The following MYZAP variants were observed in gnomAD, a reference collection of about 807,000 sequenced individuals.
MYZAP encodes myocardial zonula adherens protein, also known as GRINL1A complex locus upstream.
MYZAP carries 66 observed loss-of-function variants against 69.4 expected under a neutral mutation model. The observed-to-expected ratio is 0.95, with a 90% CI of 0.78 to 1.17. The LOEUF is 1.17. Ranked by LOEUF, MYZAP falls within the 50% of genes most tolerant of loss-of-function variation. The probability of loss-of-function intolerance (pLI) is 0.00; values close to 1 mark genes in which losing one functional copy is unlikely to be tolerated. For synonymous variants in MYZAP, 256 were observed against 205.9 expected (o/e 1.24, Z -2.09); for missense variants, 611 against 556.2 (o/e 1.10, Z -0.99).
At chr15:57,669,002 CCT>C (rs1406803205) in intron 11 of MYZAP, among the ~76,000 whole-genome samples, 1 of 151,326 alleles carries the variant, frequency 6.6e-6, no homozygotes, top group Non-Finnish European at 1.5e-5. Context: ...TTATCTCCTA[CCT>C]CTCAGCCTCC....
chr15:57,619,981 G>T (rs1298378856), intron 3 of MYZAP, among the ~76,000 whole-genome samples: 1 of 152,124 alleles, frequency 6.6e-6, no homozygotes, highest in Non-Finnish European at 1.5e-5. Flanking sequence ...CCTGCCATAG[G>T]TGGCTTCAGT....
At chr15:57,659,846 A>T (rs1011719206) in intron 10 of MYZAP, among the ~76,000 whole-genome samples, 4 of 152,186 alleles carry the variant, frequency 2.6e-5, no homozygotes, top group Admixed American at 6.5e-5. Context: ...TATTACATAA[A>T]CCTATGTAAT....
chr15:57,635,765 G>C (rs2036782030), intron 8 of MYZAP, among the ~76,000 whole-genome samples: 3 of 152,240 alleles, frequency 2.0e-5, no homozygotes, highest in Non-Finnish European at 4.4e-5. Flanking sequence ...TCCTAGGCAG[G>C]GCTGTGGCAG....
intron 1 of MYZAP, chr15:57,599,510 A>G (rs1208471625): frequency 1.6e-6 from 2 of 1,216,802 alleles, no homozygotes; most frequent in Non-Finnish European, 2.1e-6. Context: ...CTGGTTCGGT[A>G]GCAGTGGTGT....
Position 57,592,044 on chromosome 15 carries a change from T to C in MYZAP, c.10T>C (p.Ser4Pro). Residue 4 changes from serine (S) to proline (P), a missense_variant, in exon 1 of 13, where the codon TCC (serine) becomes CCC (proline). Ser to Pro is a moderately conservative substitution (Grantham distance 74). Transcript: ENST00000267853. MLR[S>P]TSTVTLLSGG... is the part of the protein sequence containing the mutation. ...CGACCGCCGCTGCGGGATGCTGCGCTCCACGTCCACGGTCACCCTGCTCTC... is the reference window on the plus strand; with the variant it reads ...CGACCGCCGCTGCGGGATGCTGCGCCCCACGTCCACGGTCACCCTGCTCTC... 7.0e-7 allele frequency: 1 copy of C among 1,433,776 alleles called. No homozygotes were observed. The highest frequency in any genetic ancestry group is 1.4e-5 in the South Asian group (1 of 71,042). The allele number at this position is 1,433,776 out of a possible 1,614,324, so 88.8% of individuals were successfully genotyped here.
At chr15:57,649,542 A>G (rs1211806631) in intron 10 of MYZAP, among the ~76,000 whole-genome samples, 1 of 152,118 alleles carries the variant, frequency 6.6e-6, no homozygotes, top group Non-Finnish European at 1.5e-5. Flanking sequence ...TCATTTTTAT[A>G]TTAGATTGTT....
intron 12 of MYZAP, among the ~76,000 whole-genome samples, chr15:57,676,741 C>CT (rs2140642442): frequency 6.6e-6 from 1 of 152,182 alleles, no homozygotes; most frequent in East Asian, 1.9e-4. Flanking sequence ...TTAAAACAAG[C>CT]TTTTCAATTT....
chr15:57,629,088 C>CAAAAAAAAAAAA (rs1274144448), intron 5 of MYZAP, among the ~76,000 whole-genome samples: 9 of 115,080 alleles, frequency 7.8e-5, no homozygotes, highest in Non-Finnish European at 1.2e-4. Context: ...GTCTCAAAAA[C>CAAAAAAAAAAAA]AAAAAAAAAA....
chr15:57,629,198 A>G (rs757242379), intron 5 of MYZAP, among the ~76,000 whole-genome samples: 16 of 152,192 alleles, frequency 1.1e-4, no homozygotes, highest in Non-Finnish European at 2.2e-4. Context: ...ATACAGAAAA[A>G]ATAAATAAGA....
intron 10 of MYZAP, among the ~76,000 whole-genome samples, chr15:57,656,606 G>C (rs924176871): frequency 1.6e-4 from 25 of 152,162 alleles, no homozygotes; most frequent in Admixed American, 1.3e-3. Context: ...AGCTGAGTGC[G>C]TCACTTGGGA....
At chr15:57,672,283 C>A (rs2081515) in intron 11 of MYZAP, among the ~76,000 whole-genome samples, 1 of 152,094 alleles carries the variant, frequency 6.6e-6, no homozygotes, top group African/African-American at 2.4e-5. Flanking sequence ...TACTTTATCT[C>A]TACTGCCACC....
chr15:57,677,327 G>A (rs1234305303), intron 12 of MYZAP, among the ~76,000 whole-genome samples: 5 of 152,162 alleles, frequency 3.3e-5, no homozygotes, highest in Non-Finnish European at 7.3e-5. Context: ...AGCTCTATGG[G>A]CAAAAACAAA....
intron 2 of MYZAP, among the ~76,000 whole-genome samples, chr15:57,612,252 G>A (rs2035152624): frequency 1.3e-5 from 2 of 152,114 alleles, no homozygotes; most frequent in African/African-American, 2.4e-5. Context: ...AGTCACACGA[G>A]TCACATTATG....
chr15:57,617,092 C>T (rs1408148498), intron 2 of MYZAP, among the ~76,000 whole-genome samples: 1 of 151,930 alleles, frequency 6.6e-6, no homozygotes, highest in Non-Finnish European at 1.5e-5. Context: ...TAAACATAGC[C>T]TGCAGTATGG....
At chr15:57,649,731 G>A (rs555262829) in intron 10 of MYZAP, among the ~76,000 whole-genome samples, 6 of 152,200 alleles carry the variant, frequency 3.9e-5, no homozygotes, top group African/African-American at 1.2e-4. Context: ...GCTGTGTTGT[G>A]TGTCTTGTTT....
At chr15:57,601,500 G>A (rs192414427) in intron 1 of MYZAP, among the ~76,000 whole-genome samples, 2 of 152,198 alleles carry the variant, frequency 1.3e-5, no homozygotes, top group East Asian at 1.9e-4. Context: ...TCTCTGGAGG[G>A]ACTCAAGATT....
At chr15:57,661,222 C>T (rs1485263254) in intron 10 of MYZAP, among the ~76,000 whole-genome samples, 1 of 152,196 alleles carries the variant, frequency 6.6e-6, no homozygotes, top group African/African-American at 2.4e-5. Context: ...CACCTGTTCA[C>T]ACAATCCGCC....
At chr15:57,593,934 C>A (rs139394104) in intron 1 of MYZAP, among the ~76,000 whole-genome samples, 1 of 152,172 alleles carries the variant, frequency 6.6e-6, no homozygotes, top group Non-Finnish European at 1.5e-5. Flanking sequence ...ATTGAACATT[C>A]ATAAACCTTT....
intron 12 of MYZAP, among the ~76,000 whole-genome samples, chr15:57,678,287 G>C (rs965353433): frequency 1.3e-5 from 2 of 151,996 alleles, no homozygotes; most frequent in African/African-American, 2.4e-5. Context: ...GCTTGAACCC[G>C]GGAGGCAGAG....
Sources: allele counts gnomAD v4.1 joint callset (sites outside exome capture counted in the v4.1 genomes callset), GRCh38; gene constraint gnomAD v4.1.1; transcripts MANE v1.5; gene names NCBI Gene and HGNC (gene_info 2026-07-23, HGNC 2026-07-21).